Variants in FAM184B observed in about 807,000 individuals in gnomAD.
FAM184B encodes the protein family with sequence similarity 184 member B, also known as protein FAM184B.
A neutral mutation model predicts 135.9 loss-of-function variants in FAM184B; 111 were observed. The observed-to-expected ratio is 0.82, with a 90% CI of 0.70 to 0.96. The LOEUF (loss-of-function observed/expected upper bound fraction) is 0.96, where lower values mean the gene tolerates loss of function less well. Among genes scored for constraint, FAM184B ranks in the 40% least tolerant of loss-of-function variants. The pLI is 0.00. For synonymous variants in FAM184B, 552 were observed against 524.8 expected (o/e 1.05, Z -0.71); for missense variants, 1,375 against 1,323.9 (o/e 1.04, Z -0.60).
Position 17,639,407 on chromosome 4 carries a change from T to C in FAM184B, c.2520-11A>G, listed in dbSNP as rs1715243391. The C allele has an allele frequency of 6.4e-7, 1 of 1,551,242 alleles. No individual in the cohort carries two copies. The highest frequency in any genetic ancestry group is 8.7e-7 in the Non-Finnish European group (1 of 1,146,910). On this transcript the variant is annotated splice_polypyrimidine_tract_variant and intron_variant, in intron 13 of 17. Coordinates refer to ENST00000265018, the MANE Select transcript of FAM184B (RefSeq NM_015688.2). ...GTCTCCTCCAGGAACCTGTGGTGGA[T>C]GAAAGCACAGCCAGGCTTGCCCAGC...
rs1314343778 is a variant in FAM184B at position 17,765,951 on chromosome 4, C to T, written c.141+15208G>A. Among the ~76,000 whole-genome samples the T allele has an allele frequency of 7.2e-5, 11 of 152,122 alleles. 2 individuals carry two copies. The highest frequency in any genetic ancestry group is 1.5e-5 in the Non-Finnish European group (1 of 68,016). On this transcript the variant is annotated intron_variant, in intron 1 of 17. Transcript: ENST00000265018. ...TAAAGCAGCACATCTAGAATTACTC[C>T]TTCCTTCTGTCCGGGGTTATTCATT...
intron 1 of FAM184B, among the ~76,000 whole-genome samples, chr4:17,773,130 T>C (rs1718854047): frequency 6.6e-6 from 1 of 152,210 alleles, no homozygotes; most frequent in Non-Finnish European, 1.5e-5. Flanking sequence ...TATATATTAA[T>C]ACGATGTTGG....
intron 1 of FAM184B, among the ~76,000 whole-genome samples, chr4:17,729,588 A>T (rs186629296): frequency 1.3e-5 from 2 of 152,370 alleles, no homozygotes; most frequent in African/African-American, 4.8e-5. Context: ...TTTGCGGTTC[A>T]CCAAGATCTG....
At chr4:17,633,514 A>G (rs1437853597) in intron 17 of FAM184B, 175 bp downstream of exon 17, 1 of 551,570 alleles carries the variant, frequency 1.8e-6, no homozygotes, top group Admixed American at 3.7e-5. Flanking sequence ...GATGGAGTCC[A>G]CCTTTTGTAT....
At chr4:17,750,600 C>T (rs914097229) in intron 1 of FAM184B, among the ~76,000 whole-genome samples, 2 of 152,056 alleles carry the variant, frequency 1.3e-5, no homozygotes, top group Non-Finnish European at 2.9e-5. Context: ...TCAGAAGCTC[C>T]CCTAGGTTGT....
intron 6 of FAM184B, among the ~76,000 whole-genome samples, chr4:17,692,021 C>T (rs939530823): frequency 1.3e-5 from 2 of 150,810 alleles, no homozygotes. Flanking sequence ...CCACTGCACT[C>T]CAGTCGGGCA....
intron 5 of FAM184B, among the ~76,000 whole-genome samples, chr4:17,699,360 G>GAGC (rs1335116004): frequency 6.6e-6 from 1 of 151,976 alleles, no homozygotes; most frequent in Non-Finnish European, 1.5e-5. Context: ...TAGATTCAAT[G>GAGC]AGCCTATAAC....
intron 1 of FAM184B, among the ~76,000 whole-genome samples, chr4:17,754,360 T>C (rs1718372999): frequency 6.6e-6 from 1 of 152,054 alleles, no homozygotes; most frequent in Admixed American, 6.6e-5. Flanking sequence ...GAGACTAGCC[T>C]GACCAACGTG....
intron 1 of FAM184B, among the ~76,000 whole-genome samples, chr4:17,724,111 T>TCACACACACA (rs112763574): frequency 1.3e-5 from 2 of 150,214 alleles, no homozygotes; most frequent in South Asian, 2.1e-4. Context: ...AAACAAAATC[T>TCACACACACA]CACACACACA....
At chr4:17,648,733 G>GCC (rs1715532658) in intron 11 of FAM184B, among the ~76,000 whole-genome samples, 3 of 152,040 alleles carry the variant, frequency 2.0e-5, no homozygotes, top group Admixed American at 2.0e-4. Context: ...GGAGGTAGGA[G>GCC]ATGGCATGTC....
rs1216911146 is a variant in FAM184B at position 17,639,445 on chromosome 4, A to G, written c.2520-49T>C. On this transcript the variant is annotated intron_variant, in intron 13 of 17. Coordinates refer to ENST00000265018, the MANE Select transcript of FAM184B (RefSeq NM_015688.2). ...AGGCTTGCCCAGCTCCAGGGATGGC[A>G]CCCCTTGGGCTCTGGGGTTTATTTC... is the stretch of plus-strand genomic sequence containing the variant. 1.9e-6 allele frequency: 3 copies of G among 1,544,438 alleles called. No homozygotes were observed. The African/African-American group carries it at 4.1e-5, about 21-fold the overall frequency.
intron 1 of FAM184B, among the ~76,000 whole-genome samples, chr4:17,722,251 C>T (rs1196309618): frequency 1.3e-5 from 2 of 152,194 alleles, no homozygotes; most frequent in East Asian, 3.9e-4. Flanking sequence ...GCACACAGAG[C>T]GGAGCTTCAG....
At chr4:17,637,186 G>A (rs1715168764) in intron 14 of FAM184B, among the ~76,000 whole-genome samples, 1 of 152,178 alleles carries the variant, frequency 6.6e-6, no homozygotes, top group African/African-American at 2.4e-5. Flanking sequence ...GCGCCACCGT[G>A]CCAGGGAAAT....
At chr4:17,677,402 C>A (rs1716336944) in intron 7 of FAM184B, among the ~76,000 whole-genome samples, 1 of 152,108 alleles carries the variant, frequency 6.6e-6, no homozygotes, top group African/African-American at 2.4e-5. Flanking sequence ...TTATGAACAC[C>A]TTTACATGCA....
chr4:17,644,618 C>G (rs1715413383), intron 12 of FAM184B, among the ~76,000 whole-genome samples: 1 of 152,188 alleles, frequency 6.6e-6, no homozygotes, highest in Non-Finnish European at 1.5e-5. Flanking sequence ...GACAAACCCA[C>G]AGCCAATATC....
chr4:17,698,756 T>C (rs1017898622), intron 5 of FAM184B, among the ~76,000 whole-genome samples: 1 of 152,290 alleles, frequency 6.6e-6, no homozygotes, highest in East Asian at 1.9e-4. Flanking sequence ...TGTTATGTTA[T>C]GTATAATTTA....
intron 1 of FAM184B, among the ~76,000 whole-genome samples, chr4:17,766,708 C>T (rs1718701440): frequency 6.6e-6 from 1 of 152,262 alleles, no homozygotes; most frequent in Non-Finnish European, 1.5e-5. Context: ...TAAAGATTCT[C>T]CAAGTCCCTA....
chr4:17,669,949 C>T (rs765304122), intron 7 of FAM184B, among the ~76,000 whole-genome samples: 2 of 152,296 alleles, frequency 1.3e-5, no homozygotes, highest in Non-Finnish European at 2.9e-5. Flanking sequence ...ACTACCACAT[C>T]AAGAATATAT....
chr4:17,705,209 A>G lies in FAM184B; in HGVS notation c.1171-3T>C. On this transcript the variant is annotated splice_polypyrimidine_tract_variant and splice_region_variant and intron_variant, in intron 4 of 17. Coordinates refer to ENST00000265018, the MANE Select transcript of FAM184B (RefSeq NM_015688.2). ...TCAGCACTTGCCTCTTTCTTGGTCT[A>G]TAAAAAGAAAAAGGACCTTGTAAAA... The G allele has an allele frequency of 6.4e-7, 1 of 1,550,406 alleles. No homozygotes were observed. The highest frequency in any genetic ancestry group is 1.7e-4 in the Middle Eastern group (1 of 5,988).
Sources: gnomAD v4.1 joint callset for allele counts (sites outside exome capture counted in the v4.1 genomes callset) on GRCh38, gnomAD v4.1.1 for gene constraint, MANE v1.5 for transcripts, NCBI Gene and HGNC (gene_info 2026-07-23, HGNC 2026-07-21) for gene names.